Variants in MYLK observed in about 807,000 individuals in gnomAD.
MYLK encodes the protein myosin light chain kinase.
In MYLK, 106 loss-of-function variants were observed where a neutral mutation model predicts 203.4. The ratio of observed to expected loss-of-function variants is 0.52; its 90% confidence interval spans 0.45 to 0.61. The LOEUF is 0.61. Among genes scored for constraint, MYLK ranks in the 20% least tolerant of loss-of-function variants. The probability of loss-of-function intolerance (pLI) is 0.00; values close to 1 mark genes in which losing one functional copy is unlikely to be tolerated. For missense variants in MYLK, 2,072 were observed against 2,442.3 expected (o/e 0.85, Z 3.20); for synonymous variants, 867 against 959.5 (o/e 0.90, Z 1.78).
chr3:123,865,643 A>G (rs1311205921), intron 2 of MYLK, among the ~76,000 whole-genome samples: 2 of 152,194 alleles, frequency 1.3e-5, no homozygotes, highest in Non-Finnish European at 2.9e-5. Context: ...GAACAGGTAT[A>G]ATTCACCATA....
intron 5 of MYLK, among the ~76,000 whole-genome samples, chr3:123,751,311 C>T (rs1356011506): frequency 6.6e-6 from 1 of 152,112 alleles, no homozygotes; most frequent in Non-Finnish European, 1.5e-5. Context: ...GAAGGACACA[C>T]TAGTAGCAAA....
chr3:123,827,749 A>ATG (rs1560269124), intron 3 of MYLK, among the ~76,000 whole-genome samples: 1 of 103,560 alleles, frequency 9.7e-6, no homozygotes, highest in African/African-American at 3.5e-5. Context: ...ATATATATAT[A>ATG]AAGACTCTAC....
At chr3:123,626,980 G>A (rs2058178463) in intron 30 of MYLK, 39 bp from the exon 31 acceptor site, 1 of 1,612,790 alleles carries the variant, frequency 6.2e-7, no homozygotes, top group Non-Finnish European at 8.5e-7. Context: ...TGAGCAGGAG[G>A]AGACCTCAGA....
chr3:123,874,067 T>G (rs1476499424), intron 2 of MYLK, among the ~76,000 whole-genome samples: 1 of 152,164 alleles, frequency 6.6e-6, no homozygotes, highest in Non-Finnish European at 1.5e-5. Flanking sequence ...AAGATGTCAA[T>G]TCTCTCCAAA....
chr3:123,697,570 G>A (rs111351512), intron 18 of MYLK, among the ~76,000 whole-genome samples: 109 of 152,328 alleles, frequency 7.2e-4, no homozygotes, highest in African/African-American at 2.5e-3. Context: ...AGCCACCTGA[G>A]TTCAAATCCC....
intron 2 of MYLK, among the ~76,000 whole-genome samples, chr3:123,864,717 C>A (rs560977615): frequency 5.9e-5 from 9 of 152,028 alleles, no homozygotes; most frequent in African/African-American, 9.6e-5. Context: ...CCAGCCTGGG[C>A]AACATAGTGA....
intron 18 of MYLK, among the ~76,000 whole-genome samples, chr3:123,693,787 C>T (rs2060787842): frequency 6.6e-6 from 1 of 152,228 alleles, no homozygotes; most frequent in South Asian, 2.1e-4. Flanking sequence ...GCCTGCTGGG[C>T]CAGGCAGAAG....
In MYLK at chr3:123,819,809, T is replaced by C. The variant is rs147075128; in HGVS notation, c.-4+11739A>G. Among the ~76,000 whole-genome samples the C allele has an allele frequency of 3.8e-3, 346 of 90,470 alleles. 1 individual carries two copies. Among genetic ancestry groups the C allele is most frequent in the Non-Finnish European group, 7.1e-3 (256 of 35,846 alleles). The allele number at this position is 90,470 out of a possible 152,430, so 59.4% of individuals were successfully genotyped here. ...CTCCTTTTTTTTTTTTTTTTTTTTT[T>C]GCAGGGGGCATTCTTTTGAAGACTC... is the stretch of plus-strand genomic sequence containing the variant. On this transcript the variant is annotated intron_variant, in intron 3 of 33. Transcript: ENST00000360304.
At position 123,610,579 on chromosome 3, in the gene MYLK, A is replaced by G. The variant is rs2057226047; in HGVS notation, c.*3526T>C. The G allele has an allele frequency of 6.6e-6, 1 of 152,172 alleles. No individual in the cohort carries two copies. Among genetic ancestry groups the G allele is most frequent in the Non-Finnish European group, 1.5e-5 (1 of 68,050 alleles). 9.4% of individuals were successfully genotyped at this position (152,172 alleles called of 1,614,324 possible). A position where few individuals can be genotyped will look rare whatever the true frequency, so the allele number is the denominator to read the frequency against. ...TAGGACTAGTCACATGGCCCCATCT[A>G]ACCAGGAAGCCGAGAGTGAAGCCCT... On this transcript the variant is annotated 3_prime_UTR_variant, in exon 34 of 34. Coordinates refer to ENST00000360304, the MANE Select transcript of MYLK (RefSeq NM_053025.4).
At chr3:123,667,798 A>T (rs1344570694) in intron 20 of MYLK, among the ~76,000 whole-genome samples, 1 of 152,154 alleles carries the variant, frequency 6.6e-6, no homozygotes, top group Non-Finnish European at 1.5e-5. Context: ...GAAGACGATA[A>T]TGCCACACTC....
Position 123,708,726 on chromosome 3 carries a change from G to A in MYLK, c.2112C>T (p.Val704=). The A allele has an allele frequency of 6.2e-7, 1 of 1,614,152 alleles. No homozygotes were observed. The highest frequency in any genetic ancestry group is 1.6e-4 in the Middle Eastern group (1 of 6,062). ...TCEAWNSAGE[V]RTQAVLTVQE... The stretch of plus-strand genomic sequence containing the variant: ...GTACCGTGAGCACGGCCTGGGTGCG[G>A]ACCTCTCCAGCGCTGTTCCAGGCCT... Residue 704 remains valine (V), a synonymous_variant, in exon 15 of 34, where the codon GTC becomes GTT. Coordinates refer to ENST00000360304, the MANE Select transcript of MYLK (RefSeq NM_053025.4).
intron 1 of MYLK, among the ~76,000 whole-genome samples, chr3:123,880,899 T>C (rs1350280986): frequency 2.0e-5 from 3 of 152,042 alleles, no homozygotes; most frequent in African/African-American, 4.8e-5. Context: ...ACCAGGTGCA[T>C]GCAACAAGGA....
At chr3:123,837,968 C>G (rs1377467700) in intron 2 of MYLK, among the ~76,000 whole-genome samples, 1 of 152,100 alleles carries the variant, frequency 6.6e-6, no homozygotes, top group East Asian at 1.9e-4. Context: ...ATTGGAATCT[C>G]AGAAAGAGAA....
chr3:123,724,073 G>A (rs1426900589), intron 12 of MYLK, among the ~76,000 whole-genome samples: 3 of 151,214 alleles, frequency 2.0e-5, no homozygotes, highest in African/African-American at 7.3e-5. Flanking sequence ...TTTGAGACAG[G>A]GTCTCACTCT....
intron 20 of MYLK, among the ~76,000 whole-genome samples, chr3:123,676,715 C>T (rs1480055724): frequency 6.6e-6 from 1 of 152,132 alleles, no homozygotes; most frequent in Non-Finnish European, 1.5e-5. Flanking sequence ...AGGCAGGGAC[C>T]CTTGGAGCAT....
At chr3:123,729,395 A>G (rs2062400870) in intron 11 of MYLK, among the ~76,000 whole-genome samples, 1 of 152,232 alleles carries the variant, frequency 6.6e-6, no homozygotes. Flanking sequence ...ATTATTGTAA[A>G]TCATGTCTGG....
rs747521878 is a variant in MYLK at position 123,707,719 on chromosome 3, G to C, written c.2390+35C>G. The stretch of plus-strand genomic sequence containing the variant: ...AGGGGAGCTAGGAATTTGGAGGGAA[G>C]GGTTAAGGGAGGCTGGCTGGACATG... On this transcript the variant is annotated intron_variant, in intron 16 of 33. Coordinates refer to ENST00000360304, the MANE Select transcript of MYLK (RefSeq NM_053025.4). 3.7e-6 allele frequency: 6 copies of C among 1,613,770 alleles called. No individual in the cohort carries two copies. In the South Asian group the frequency reaches 4.4e-5, roughly 12 times the overall value.
intron 4 of MYLK, among the ~76,000 whole-genome samples, chr3:123,773,312 G>A (rs139063174): frequency 1.1e-3 from 171 of 152,284 alleles, no homozygotes; most frequent in Non-Finnish European, 2.0e-3. Context: ...CTACTAATGT[G>A]TAAATAGCTG....
chr3:123,626,599 T>G (rs1016252811), intron 31 of MYLK, among the ~76,000 whole-genome samples: 1 of 152,216 alleles, frequency 6.6e-6, no homozygotes, highest in Non-Finnish European at 1.5e-5. Context: ...GAGAGACAGC[T>G]AAGCTAAGAA....
Sources: allele counts gnomAD v4.1 joint callset (sites outside exome capture counted in the v4.1 genomes callset), GRCh38; gene constraint gnomAD v4.1.1; transcripts MANE v1.5; gene names NCBI Gene and HGNC (gene_info 2026-07-23, HGNC 2026-07-21).